GGA2: variants seen among roughly 807,000 people sequenced by gnomAD.
GGA2 encodes the protein golgi associated, gamma adaptin ear containing, ARF binding protein 2, also known as ADP-ribosylation factor-binding protein GGA2.
Under a neutral mutation model 79.5 loss-of-function variants are expected in GGA2, and 48 were observed. The ratio of observed to expected loss-of-function variants is 0.60; its 90% confidence interval spans 0.48 to 0.77. The LOEUF is 0.77. Among genes scored for constraint, GGA2 ranks in the 30% least tolerant of loss-of-function variants. The pLI is 0.00. For synonymous variants in GGA2, 317 were observed against 302.0 expected (o/e 1.05, Z -0.51); for missense variants, 770 against 774.0 (o/e 0.99, Z 0.06).
At chr16:23,512,700 CTTTTTTTTTTTTTTT>C (rs34027000), upstream of GGA2, among the ~76,000 whole-genome samples, 4 of 55,932 alleles carry the variant, frequency 7.2e-5, no homozygotes, top group Non-Finnish European at 9.2e-5. Flanking sequence ...TAAAGAAAAT[CTTTTTTTTTTTTTTT>C]TTTTTTTTTT....
rs372190298 is a variant in GGA2 at position 23,496,671 on chromosome 16, T to C, written c.92-893A>G. 6.8e-4 allele frequency among the ~76,000 whole-genome samples: 103 copies of C among 151,932 alleles called. 2 individuals are homozygous for C. The South Asian group carries it at 0.02, about 30-fold the overall frequency. ...ACATGCCTACTAAAATTTTAAAAAA[T>C]TAAGACCAGGCGCGATGGCTCACGC... is the stretch of plus-strand genomic sequence containing the variant. On this transcript the variant is annotated intron_variant, in intron 1 of 16. Coordinates refer to ENST00000309859, the MANE Select transcript of GGA2 (RefSeq NM_015044.4).
chr16:23,473,412 C>T (rs1394784504), intron 14 of GGA2, among the ~76,000 whole-genome samples: 4 of 134,934 alleles, frequency 3.0e-5, no homozygotes, highest in African/African-American at 1.1e-4. Context: ...TCTCAGCTCA[C>T]TGCAACTTCT....
At chr16:23,510,508 T>G (rs1596998781), upstream of GGA2, 1 of 454,460 alleles carries the variant, frequency 2.2e-6, no homozygotes, top group Non-Finnish European at 3.6e-6. Context: ...GCAGGAGCGG[T>G]GGACACGTGA....
At chr16:23,524,202 G>A (rs1305423222), upstream of GGA2, 8 of 667,566 alleles carry the variant, frequency 1.2e-5, no homozygotes, top group East Asian at 2.6e-5. Context: ...TGACAAAAAC[G>A]TGCCTGTGGT....
intron 16 of GGA2, among the ~76,000 whole-genome samples, chr16:23,468,050 C>T (rs1193435197): frequency 1.3e-5 from 2 of 152,138 alleles, no homozygotes; most frequent in East Asian, 1.9e-4. Context: ...CAGACTCCAG[C>T]GAGGGATATT....
intron 6 of GGA2, among the ~76,000 whole-genome samples, chr16:23,487,361 T>C (rs1307520233): frequency 6.6e-6 from 1 of 152,096 alleles, no homozygotes; most frequent in African/African-American, 2.4e-5. Flanking sequence ...AGAAATTTGG[T>C]TGTCACAACT....
At chr16:23,521,484 T>C (rs1137265) in intron 1 of GGA2, among the ~76,000 whole-genome samples, 1 of 151,936 alleles carries the variant, frequency 6.6e-6, no homozygotes, top group African/African-American at 2.4e-5. Flanking sequence ...ACTGCAGCCT[T>C]AACGCCTCAG....
intron 4 of GGA2, among the ~76,000 whole-genome samples, chr16:23,492,185 C>T (rs956438850): frequency 6.6e-6 from 1 of 152,204 alleles, no homozygotes; most frequent in Non-Finnish European, 1.5e-5. Context: ...ATTCAAGAGA[C>T]ACACTCGCAG....
In GGA2 at chr16:23,479,904, T is replaced by G. The variant is rs749863230; in HGVS notation, c.1007-17A>C. ...TCTGAAAGACTAGAAAGCCCAGGGT[T>G]AGGAAGAGAAGTCAGTTGGACATGA... On this transcript the variant is annotated splice_polypyrimidine_tract_variant and intron_variant, in intron 10 of 16. Transcript: ENST00000309859. The G allele has an allele frequency of 6.2e-7, 1 of 1,613,466 alleles. No individual in the cohort carries two copies. Among genetic ancestry groups the G allele is most frequent in the Middle Eastern group, 1.7e-4 (1 of 6,048 alleles).
chr16:23,522,106 G>A (rs547727242), upstream of GGA2: 16 of 272,782 alleles, frequency 5.9e-5, no homozygotes, highest in African/African-American at 2.8e-4. Context: ...TCATATAAGC[G>A]CACAATAAAT....
intron 9 of GGA2, among the ~76,000 whole-genome samples, chr16:23,481,822 A>G (rs1596982469): frequency 6.6e-6 from 1 of 152,250 alleles, no homozygotes; most frequent in East Asian, 1.9e-4. Flanking sequence ...CATGCTATCC[A>G]CTAAGAGAGA....
chr16:23,504,561 C>T (rs373267126), intron 1 of GGA2, among the ~76,000 whole-genome samples: 2 of 152,188 alleles, frequency 1.3e-5, no homozygotes, highest in Non-Finnish European at 2.9e-5. Flanking sequence ...CCAGCCTGCA[C>T]AAACTATTTC....
At position 23,495,783 on chromosome 16, in the gene GGA2, C is replaced by T. The variant is rs201952580; in HGVS notation, c.92-5G>A. The T allele has an allele frequency of 1.0e-3, 1,592 of 1,596,522 alleles. 6 individuals are homozygous for T. The highest frequency in any genetic ancestry group is 8.7e-4 in the Non-Finnish European group (1,016 of 1,165,570). On this transcript the variant is annotated splice_region_variant and splice_polypyrimidine_tract_variant and intron_variant, in intron 1 of 16. Transcript: ENST00000309859. ...TGCTTGGGTCTGTGGCTTTGTCTGT[C>T]AAATAAATAATAAAGTTAGAGAGTA...
intron 8 of GGA2, 24 bp downstream of exon 8, chr16:23,485,990 GC>G: frequency 6.2e-7 from 1 of 1,606,836 alleles, no homozygotes; most frequent in Non-Finnish European, 8.5e-7. Flanking sequence ...AACATGTGCA[GC>G]CCCCTGTGTT....
At chr16:23,522,519 T>A (rs1437117956), upstream of GGA2, 3 of 152,118 alleles carry the variant, frequency 2.0e-5, no homozygotes, top group Non-Finnish European at 4.4e-5. Flanking sequence ...TGGCCTCCAA[T>A]AAACATAAGT....
intron 13 of GGA2, among the ~76,000 whole-genome samples, chr16:23,477,210 C>T (rs1964586277): frequency 6.6e-6 from 1 of 152,128 alleles, no homozygotes; most frequent in African/African-American, 2.4e-5. Context: ...CCTTGGCCTC[C>T]CAAAGTTCTG....
chr16:23,509,757 T>C lies in GGA2; in HGVS notation c.91+564A>G, dbSNP rs185304729. Among the ~76,000 whole-genome samples, 108 of 149,142 alleles carry C rather than the reference T, an allele frequency of 7.2e-4. 1 individual carries two copies. The East Asian group carries it at 7.6e-3, about 10-fold the overall frequency. ...AAAAAAAAACACACATATATATATA[T>C]ACGCACACACACACACACGTGTGTG... On this transcript the variant is annotated intron_variant, in intron 1 of 16. Transcript: ENST00000309859.
At position 23,472,938 on chromosome 16, in the gene GGA2, C is replaced by T. The variant is rs534525841; in HGVS notation, c.1450+1966G>A. Among the ~76,000 whole-genome samples, 5 of 141,134 alleles carry T rather than the reference C, an allele frequency of 3.5e-5. No homozygotes were observed. In the South Asian group the frequency reaches 1.1e-3, roughly 31 times the overall value. The allele number at this position is 141,134 out of a possible 152,430, so 92.6% of individuals were successfully genotyped here. A position where few individuals can be genotyped will look rare whatever the true frequency, so the allele number is the denominator to read the frequency against. On this transcript the variant is annotated intron_variant, in intron 14 of 16. Coordinates refer to ENST00000309859, the MANE Select transcript of GGA2 (RefSeq NM_015044.4). The stretch of plus-strand genomic sequence containing the variant: ...GTCCCAGCTACTCGGGAGGCTGAGG[C>T]AAGAGAATGGTGTGAATCCAGGAGG...
chr16:23,480,516 G>A, intron 10 of GGA2, 129 bp downstream of exon 10: 1 of 773,808 alleles, frequency 1.3e-6, no homozygotes, highest in Non-Finnish European at 2.0e-6. Context: ...ACTTTCACAG[G>A]AAGGGGAACA....
Sources: allele counts gnomAD v4.1 joint callset (sites outside exome capture counted in the v4.1 genomes callset), GRCh38; gene constraint gnomAD v4.1.1; transcripts MANE v1.5; gene names NCBI Gene and HGNC (gene_info 2026-07-23, HGNC 2026-07-21).